ADAMTSL1: variants seen among roughly 807,000 people sequenced by gnomAD.
ADAMTSL1 encodes ADAMTS like 1, also known as ADAMTS-like protein 1.
In ADAMTSL1, 126 loss-of-function variants were observed where a neutral mutation model predicts 201.8. The ratio of observed to expected loss-of-function variants is 0.62; its 90% CI spans 0.54 to 0.72. ADAMTSL1 has a LOEUF of 0.72. Among genes scored for constraint, ADAMTSL1 ranks in the 30% least tolerant of loss-of-function variants. The pLI is 0.00. For missense variants in ADAMTSL1, 2,679 were observed against 2,277.8 expected (o/e 1.18, Z -3.59); for synonymous variants, 1,121 against 903.4 (o/e 1.24, Z -4.32).
intron 20 of ADAMTSL1, among the ~76,000 whole-genome samples, chr9:18,807,659 CAAAAA>C (rs58783987): frequency 1.8e-4 from 16 of 86,544 alleles, no homozygotes; most frequent in Non-Finnish European, 4.1e-4. Flanking sequence ...AAAAAAAAAA[CAAAAA>C]AAAAACAAAG....
At chr9:18,147,329 T>A (rs1172484980) in intron 1 of ADAMTSL1, among the ~76,000 whole-genome samples, 1 of 152,068 alleles carries the variant, frequency 6.6e-6, no homozygotes, top group East Asian at 1.9e-4. Context: ...AGTATAATAT[T>A]TTAGTTAATC....
rs144132359 is a variant in ADAMTSL1 at position 18,613,327 on chromosome 9, A to G, written c.475-8916A>G. ...GGCACTTCCTCAAAGACCTAAAGAC[A>G]GAAATACTATTTGGCCCAGTAATCC... is the stretch of plus-strand genomic sequence containing the variant. On this transcript the variant is annotated intron_variant, in intron 4 of 28. Coordinates refer to ENST00000380548, the MANE Select transcript of ADAMTSL1 (RefSeq NM_001040272.6). Among the ~76,000 whole-genome samples, 485 of 152,336 alleles carry G rather than the reference A, an allele frequency of 3.2e-3. 5 individuals carry two copies. The highest frequency in any genetic ancestry group is 0.011 in the African/African-American group (465 of 41,560).
At chr9:18,273,433 G>A (rs892590795) in intron 2 of ADAMTSL1, among the ~76,000 whole-genome samples, 4 of 152,154 alleles carry the variant, frequency 2.6e-5, no homozygotes, top group African/African-American at 9.7e-5. Flanking sequence ...TGTGTTATTG[G>A]ATATAGCTGT....
At chr9:18,519,472 C>A (rs1282953163) in intron 2 of ADAMTSL1, among the ~76,000 whole-genome samples, 1 of 152,190 alleles carries the variant, frequency 6.6e-6, no homozygotes, top group Non-Finnish European at 1.5e-5. Context: ...AAGCTATTGC[C>A]CTCTCCTCAA....
At chr9:18,206,495 C>A (rs565112969) in intron 2 of ADAMTSL1, among the ~76,000 whole-genome samples, 2 of 152,040 alleles carry the variant, frequency 1.3e-5, no homozygotes, top group Non-Finnish European at 2.9e-5. Context: ...GTTCTCATGA[C>A]CCCTACTGTG....
chr9:17,936,200 G>T (rs908360105), intron 1 of ADAMTSL1, among the ~76,000 whole-genome samples: 1 of 152,066 alleles, frequency 6.6e-6, no homozygotes, highest in African/African-American at 2.4e-5. Flanking sequence ...CTATTTACTG[G>T]TGCCTTATGT....
intron 2 of ADAMTSL1, among the ~76,000 whole-genome samples, chr9:18,385,425 A>G (rs182737526): frequency 5.8e-4 from 88 of 152,294 alleles, no homozygotes; most frequent in African/African-American, 2.1e-3. Context: ...ATTTACTTTG[A>G]TATGGTTCTA....
At chr9:18,390,052 G>T (rs913613118) in intron 2 of ADAMTSL1, among the ~76,000 whole-genome samples, 4 of 152,026 alleles carry the variant, frequency 2.6e-5, no homozygotes, top group Admixed American at 2.6e-4. Flanking sequence ...AATTTGGGCA[G>T]GTTAAAAATT....
At chr9:18,771,056 G>A (rs1473886927) in intron 17 of ADAMTSL1, among the ~76,000 whole-genome samples, 1 of 152,040 alleles carries the variant, frequency 6.6e-6, no homozygotes, top group Non-Finnish European at 1.5e-5. Flanking sequence ...GTGCTGTTTT[G>A]GCCCCAGGAT....
intron 2 of ADAMTSL1, among the ~76,000 whole-genome samples, chr9:18,440,190 A>T (rs1439000803): frequency 6.6e-6 from 1 of 152,188 alleles, no homozygotes; most frequent in Non-Finnish European, 1.5e-5. Context: ...CTGCTATGGT[A>T]CAATATGCAT....
chr9:17,908,697 A>G (rs1413378798), intron 1 of ADAMTSL1, among the ~76,000 whole-genome samples: 5 of 152,136 alleles, frequency 3.3e-5, no homozygotes, highest in African/African-American at 1.2e-4. Flanking sequence ...GTCTCAGGTG[A>G]TCCACTCGCC....
chr9:18,159,367 G>A (rs998073080), intron 1 of ADAMTSL1, among the ~76,000 whole-genome samples: 9 of 151,900 alleles, frequency 5.9e-5, no homozygotes, highest in Non-Finnish European at 1.3e-4. Flanking sequence ...ACTAAATGAA[G>A]AAAGAAGAAC....
chr9:18,330,893 G>C (rs1034432762), intron 2 of ADAMTSL1, among the ~76,000 whole-genome samples: 25 of 152,186 alleles, frequency 1.6e-4, no homozygotes, highest in African/African-American at 6.0e-4. Context: ...GCCAGGGACT[G>C]TCCCAGATTT....
intron 2 of ADAMTSL1, among the ~76,000 whole-genome samples, chr9:18,210,520 A>T (rs1189137019): frequency 7.2e-6 from 1 of 138,024 alleles, no homozygotes; most frequent in Admixed American, 7.2e-5. Context: ...TATATTAATA[A>T]ATATATATAT....
At chr9:18,813,241 G>C (rs1823624937) in intron 20 of ADAMTSL1, among the ~76,000 whole-genome samples, 1 of 152,164 alleles carries the variant, frequency 6.6e-6, no homozygotes, top group African/African-American at 2.4e-5. Flanking sequence ...TGGGATTACA[G>C]GCATGAGCCA....
intron 19 of ADAMTSL1, among the ~76,000 whole-genome samples, chr9:18,784,969 T>G (rs1397776893): frequency 6.6e-6 from 1 of 152,146 alleles, no homozygotes; most frequent in Non-Finnish European, 1.5e-5. Context: ...ATCGAGACCA[T>G]CCTGGCCTAC....
At chr9:18,722,709 T>C (rs1268586792) in intron 15 of ADAMTSL1, among the ~76,000 whole-genome samples, 12 of 152,136 alleles carry the variant, frequency 7.9e-5, no homozygotes, top group African/African-American at 2.9e-4. Flanking sequence ...ATCTGAATGG[T>C]GGACCAGGGC....
intron 7 of ADAMTSL1, among the ~76,000 whole-genome samples, chr9:18,642,202 A>G (rs989615787): frequency 6.6e-6 from 1 of 151,448 alleles, no homozygotes; most frequent in African/African-American, 2.4e-5. Flanking sequence ...CTATCTGAAG[A>G]TTTTTTTTTC....
chr9:18,628,944 G>A (rs1441447941), intron 5 of ADAMTSL1, among the ~76,000 whole-genome samples: 2 of 152,248 alleles, frequency 1.3e-5, no homozygotes, highest in South Asian at 2.1e-4. Context: ...GCACACTACA[G>A]ACCCACATTC....
Sources: allele counts gnomAD v4.1 joint callset (sites outside exome capture counted in the v4.1 genomes callset), GRCh38; gene constraint gnomAD v4.1.1; transcripts MANE v1.5; gene names NCBI Gene and HGNC (gene_info 2026-07-23, HGNC 2026-07-21).